The following OPN1LW variants were observed in gnomAD, a reference collection of about 807,000 sequenced individuals.
The protein encoded by OPN1LW is opsin 1, long wave sensitive.
OPN1LW carries 4 observed loss-of-function variants against 18.1 expected under a neutral mutation model. The ratio of observed to expected loss-of-function variants is 0.22; its 90% CI spans 0.11 to 0.51. The LOEUF is 0.51. Ranked by LOEUF, OPN1LW falls within the 20% of genes least tolerant of loss-of-function variation. The pLI is 0.97. For synonymous variants in OPN1LW, 86 were observed against 101.2 expected, an observed-to-expected ratio of 0.85 and a Z score of 0.90; for missense variants, 164 against 234.9, an observed-to-expected ratio of 0.70 and a Z score of 1.97.
intron 1 of OPN1LW, among the ~76,000 whole-genome samples, chrX:154,148,788 C>T (rs782085599): frequency 1.9e-5 from 2 of 105,271 alleles, no homozygotes; most frequent in Non-Finnish European, 3.8e-5. Flanking sequence ...GATTAATTTC[C>T]TCATTCATTT....
In OPN1LW at chrX:154,156,423, G is replaced by T. The variant is rs782260583; in HGVS notation, c.874G>T (p.Ala292Ser). 1.7e-6 allele frequency: 2 copies of T among 1,205,187 alleles called. No homozygotes were observed. Among genetic ancestry groups the T allele is most frequent in the South Asian group, 3.5e-5 (2 of 56,512 alleles). ...GPYTFFACFA[A>S]ANPGYAFHPL... ...CTACACCTTCTTCGCATGCTTTGCT[G>T]CTGCCAACCCTGGTTACGCCTTCCA... is the stretch of plus-strand genomic sequence containing the variant. Residue 292 changes from alanine (A) to serine (S), a missense_variant, in exon 5 of 6, where the codon GCT becomes TCT. Physicochemically the swap from Ala to Ser is moderately conservative, Grantham distance 99. This residue lies in a region of OPN1LW where 53 missense variants were observed against 50.2 expected (regional missense o/e 1.06). Transcript: ENST00000369951.
intron 3 of OPN1LW, among the ~76,000 whole-genome samples, chrX:154,153,967 C>CT: frequency 1.5e-5 from 1 of 67,015 alleles, no homozygotes; most frequent in East Asian, 4.2e-4. Context: ...CACAATGGTA[C>CT]TTTTTTCTTT....
chrX:154,148,550 C>T (rs1406084167), intron 1 of OPN1LW, among the ~76,000 whole-genome samples: 1 of 103,173 alleles, frequency 9.7e-6, no homozygotes, highest in Non-Finnish European at 1.9e-5. Context: ...GGATTACAGG[C>T]GTGAGCCACC....
rs1303562294 is a variant in OPN1LW at position 154,149,331 on chromosome X, C to A, written c.113-1325C>A. On this transcript the variant is annotated intron_variant, in intron 1 of 5. Coordinates refer to ENST00000369951, the MANE Select transcript of OPN1LW (RefSeq NM_020061.6). Reference sequence around the variant, plus strand: ...TCTCTTGAGGTCAGGAGTTTGAGACCAGCCTGGTCAACATGGTGAAACCCC... The same window carrying A: ...TCTCTTGAGGTCAGGAGTTTGAGACAAGCCTGGTCAACATGGTGAAACCCC... Among the ~76,000 whole-genome samples, 21 of 103,492 alleles carry A rather than the reference C, an allele frequency of 2.0e-4. 1 individual carries two copies. Among genetic ancestry groups the A allele is most frequent in the Non-Finnish European group, 3.2e-4 (17 of 52,636 alleles). The allele number at this position is 103,492 out of a possible 115,157, so 89.9% of individuals were successfully genotyped here. A position where few individuals can be genotyped will look rare whatever the true frequency, so the allele number is the denominator to read the frequency against.
intron 3 of OPN1LW, among the ~76,000 whole-genome samples, chrX:154,154,217 G>A (rs2067078349): frequency 3.0e-5 from 3 of 100,364 alleles, no homozygotes; most frequent in African/African-American, 1.2e-4. Flanking sequence ...TCCTACCTCT[G>A]CCTCCAAATG....
At chrX:154,148,560 C>T (rs1239640732) in intron 1 of OPN1LW, among the ~76,000 whole-genome samples, 17 of 103,108 alleles carry the variant, frequency 1.6e-4, no homozygotes, top group African/African-American at 5.5e-4. Context: ...CGTGAGCCAC[C>T]GCTCCCAGCC....
In OPN1LW at chrX:154,150,706, C is replaced by G. The variant is rs1557157408; in HGVS notation, c.163C>G (p.Leu55Val). 9 of 1,201,433 alleles carry G rather than the reference C, an allele frequency of 7.5e-6. No individual in the cohort carries two copies. Among genetic ancestry groups the G allele is most frequent in the Non-Finnish European group, 1.0e-5 (9 of 890,972 alleles). The change falls in exon 2 of 6, where the codon CTC (leucine) becomes GTC (valine). Residue 55 changes from leucine (L) to valine (V), a missense_variant. Around this residue, in one of 3 missense-constraint regions of OPN1LW, gnomAD observed 106 missense variants for 167.7 expected, o/e 0.63. Coordinates refer to ENST00000369951, the MANE Select transcript of OPN1LW (RefSeq NM_020061.6). ...YHIAPRWVYH[L>V]TSVWMIFVVT... ...CATCGCTCCCAGATGGGTGTACCAC[C>G]TCACCAGTGTCTGGATGATCTTTGT... is the stretch of plus-strand genomic sequence containing the variant.
chrX:154,154,776 C>T (rs1557157857), intron 4 of OPN1LW, 37 bp downstream of exon 4: 3 of 1,100,720 alleles, frequency 2.7e-6, no homozygotes, highest in African/African-American at 4.0e-5. Flanking sequence ...CACCCGCCTC[C>T]TGCCCCTAAG....
chrX:154,154,832 T>G, intron 4 of OPN1LW, 93 bp downstream of exon 4: 1 of 700,749 alleles, frequency 1.4e-6, no homozygotes. Flanking sequence ...AAACTATTTT[T>G]CCAAAAATCC....
At position 154,150,790 on chromosome X, in the gene OPN1LW, A is replaced by C; in HGVS notation, c.247A>C (p.Lys83Gln). 1 of 1,202,098 alleles carries C rather than the reference A, an allele frequency of 8.3e-7. No homozygotes were observed. Among genetic ancestry groups the C allele is most frequent in the Non-Finnish European group, 1.1e-6 (1 of 891,137 alleles). The change falls in exon 2 of 6, where the codon AAG becomes CAG. Residue 83 changes from lysine to glutamine, a missense_variant. Around this residue, in one of 3 missense-constraint regions of OPN1LW, gnomAD observed 106 missense variants for 167.7 expected, o/e 0.63. Transcript: ENST00000369951. The stretch of plus-strand genomic sequence containing the variant: ...GCTGGCGGCCACCATGAAGTTCAAG[A>C]AGCTGCGCCACCCGCTGAACTGGAT... The part of the protein sequence containing the change: ...LVLAATMKFK[K>Q]LRHPLNWILV...
Position 154,144,346 on chromosome X carries a change from C to A in OPN1LW, c.63C>A (p.Asp21Glu). Residue 21 changes from aspartate to glutamate, a missense_variant, in exon 1 of 6, where the codon GAC (aspartate) becomes GAA (glutamate). By Grantham distance (45) the Asp-to-Glu change is conservative. Around this residue, in one of 3 missense-constraint regions of OPN1LW, gnomAD observed 106 missense variants for 167.7 expected, o/e 0.63. Coordinates refer to ENST00000369951, the MANE Select transcript of OPN1LW (RefSeq NM_020061.6). ...AGRHPQDSYE[D>E]STQSSIFTYT... is the part of the protein sequence containing the mutation. ...GCCATCCGCAGGACAGCTATGAGGA[C>A]AGCACCCAGTCCAGCATCTTCACCT... 2 of 1,191,354 alleles carry A rather than the reference C, an allele frequency of 1.7e-6. No individual in the cohort carries two copies.
chrX:154,148,953 C>G (rs1169060853), intron 1 of OPN1LW, among the ~76,000 whole-genome samples: 2 of 104,765 alleles, frequency 1.9e-5, no homozygotes, highest in Admixed American at 1.9e-4. Flanking sequence ...CGCCTGTAAT[C>G]CCAGCACTTT....
chrX:154,149,437 C>T (rs1277594826), intron 1 of OPN1LW, among the ~76,000 whole-genome samples: 1 of 97,105 alleles, frequency 1.0e-5, no homozygotes, highest in African/African-American at 4.7e-5. Flanking sequence ...GAGGCTGAGG[C>T]AGGAGAATTG....
chrX:154,156,265 C>A, intron 4 of OPN1LW, 29 bp from the exon 5 acceptor site: 1 of 1,188,503 alleles, frequency 8.4e-7, no homozygotes, highest in Middle Eastern at 2.3e-4. Flanking sequence ...GCCCTCCAAC[C>A]CCCGACTCAC....
At chrX:154,149,056 T>A (rs1278229225) in intron 1 of OPN1LW, among the ~76,000 whole-genome samples, 3 of 102,132 alleles carry the variant, frequency 2.9e-5, no homozygotes, top group African/African-American at 4.3e-5. Flanking sequence ...ATAGAAAAAA[T>A]TAGCCAGGCG....
chrX:154,148,523 G>A (rs1432846348), intron 1 of OPN1LW, among the ~76,000 whole-genome samples: 2 of 102,548 alleles, frequency 2.0e-5, no homozygotes, highest in Non-Finnish European at 3.8e-5. Flanking sequence ...CCACCCCCTC[G>A]GCCTCCCAAA....
chrX:154,148,326 C>T (rs1467271956), intron 1 of OPN1LW, among the ~76,000 whole-genome samples: 2 of 103,426 alleles, frequency 1.9e-5, no homozygotes, highest in Non-Finnish European at 3.8e-5. Flanking sequence ...AGTGCAGTGG[C>T]GTGATCTCAG....
At chrX:154,144,498 A>G in intron 1 of OPN1LW, 103 bp downstream of exon 1, 1 of 562,153 alleles carries the variant, frequency 1.8e-6, no homozygotes, top group South Asian at 3.0e-5. Context: ...CCCCACCAGC[A>G]GAGAAGGCTT....
chrX:154,156,384 G>T lies in OPN1LW; in HGVS notation c.835G>T (p.Val279Phe), dbSNP rs2315127. 33 of 1,202,789 alleles carry T rather than the reference G, an allele frequency of 2.7e-5. 1 individual carries two copies. The highest frequency in any genetic ancestry group is 7.0e-5 in the African/African-American group (4 of 56,929). The change falls in exon 5 of 6, where the codon GTC (valine) becomes TTC (phenylalanine). Residue 279 changes from valine (V) to phenylalanine (F), a missense_variant. By Grantham distance (50) the Val-to-Phe change is conservative. Around this residue, in one of 3 missense-constraint regions of OPN1LW, gnomAD observed 53 missense variants for 50.2 expected, o/e 1.06. Coordinates refer to ENST00000369951, the MANE Select transcript of OPN1LW (RefSeq NM_020061.6). ...GGTGGTGATGATCTTTGCGTACTGC[G>T]TCTGCTGGGGACCCTACACCTTCTT... is the stretch of plus-strand genomic sequence containing the variant. ...MVVVMIFAYC[V>F]CWGPYTFFAC...
Sources: allele counts gnomAD v4.1 joint callset (sites outside exome capture counted in the v4.1 genomes callset), GRCh38; gene constraint gnomAD v4.1.1; regional missense constraint gnomAD v4.1.1; transcripts MANE v1.5; gene names NCBI Gene and HGNC (gene_info 2026-07-23, HGNC 2026-07-21).